Variants in WDR17 observed in about 807,000 individuals in gnomAD.
The protein encoded by WDR17 is WD repeat-containing protein 17.
WDR17 carries 143 observed loss-of-function variants against 161.7 expected under a neutral mutation model. That is an observed-to-expected ratio of 0.88 (90% CI 0.77 to 1.02). The LOEUF is 1.02. Ranked by LOEUF, WDR17 falls within the 50% of genes least tolerant of loss-of-function variation. WDR17 has a pLI of 0.00. For synonymous variants in WDR17, 517 were observed against 515.6 expected, an observed-to-expected ratio of 1.00 and a Z score of -0.04; for missense variants, 1,469 against 1,520.9, an observed-to-expected ratio of 0.97 and a Z score of 0.57.
intron 21 of WDR17, 51 bp downstream of exon 21, chr4:176,162,225 C>A: frequency 6.5e-7 from 1 of 1,531,906 alleles, no homozygotes; most frequent in South Asian, 1.2e-5. Context: ...TTAGATATGT[C>A]ATGGTGTTTG....
chr4:176,090,592 A>G (rs974808789), intron 1 of WDR17, among the ~76,000 whole-genome samples: 2 of 152,244 alleles, frequency 1.3e-5, no homozygotes, highest in South Asian at 2.1e-4. Flanking sequence ...CTTCCTTATT[A>G]TTAAGATATA....
chr4:176,168,833 T>C, intron 23 of WDR17, 50 bp downstream of exon 23: 1 of 1,569,840 alleles, frequency 6.4e-7, no homozygotes, highest in Non-Finnish European at 8.6e-7. Flanking sequence ...TGCTATGATT[T>C]AATTAATTGT....
intron 1 of WDR17, among the ~76,000 whole-genome samples, chr4:176,071,375 T>G (rs1476879801): frequency 6.6e-6 from 1 of 151,194 alleles, no homozygotes; most frequent in Non-Finnish European, 1.5e-5. Context: ...CAGGCTGGAG[T>G]GCAGTGACAC....
At chr4:176,091,513 A>T (rs1285744228) in intron 1 of WDR17, among the ~76,000 whole-genome samples, 1 of 152,196 alleles carries the variant, frequency 6.6e-6, no homozygotes, top group African/African-American at 2.4e-5. Flanking sequence ...AGAAACATTT[A>T]CAGCAATAAA....
intron 1 of WDR17, among the ~76,000 whole-genome samples, chr4:176,073,049 T>A (rs1405166270): frequency 6.6e-6 from 1 of 152,188 alleles, no homozygotes; most frequent in Non-Finnish European, 1.5e-5. Context: ...CCTTCAAATG[T>A]CTGCTCAGTA....
chr4:176,095,705 C>G (rs1203513985), intron 1 of WDR17, among the ~76,000 whole-genome samples: 1 of 151,822 alleles, frequency 6.6e-6, no homozygotes, highest in African/African-American at 2.4e-5. Context: ...CGCTTCCTAC[C>G]ATCCATCCTT....
At chr4:176,166,653 A>C (rs1749816521) in intron 22 of WDR17, among the ~76,000 whole-genome samples, 2 of 152,178 alleles carry the variant, frequency 1.3e-5, no homozygotes, top group African/African-American at 4.8e-5. Flanking sequence ...GTTTGAATAG[A>C]ATTTTAGCAC....
At chr4:176,150,269 A>T in intron 15 of WDR17, 96 bp downstream of exon 15, 1 of 1,531,566 alleles carries the variant, frequency 6.5e-7, no homozygotes. Context: ...TACCATTCTA[A>T]TTCATTGGGT....
intron 2 of WDR17, among the ~76,000 whole-genome samples, chr4:176,114,285 G>T (rs1384760525): frequency 6.6e-6 from 1 of 152,010 alleles, no homozygotes; most frequent in Admixed American, 6.6e-5. Context: ...TGCTATTGCT[G>T]CAGTGCTAAT....
chr4:176,101,161 T>A (rs932562137), intron 1 of WDR17, among the ~76,000 whole-genome samples: 3 of 152,154 alleles, frequency 2.0e-5, no homozygotes, highest in Non-Finnish European at 4.4e-5. Flanking sequence ...AGCGTAACTC[T>A]GGGGTTTTAG....
intron 3 of WDR17, 113 bp from the exon 4 acceptor site, chr4:176,119,754 A>G (rs1579099910): frequency 2.2e-6 from 2 of 921,938 alleles, no homozygotes. Flanking sequence ...ATAAGAAAGT[A>G]ATGTATCTTA....
At chr4:176,120,525 C>T (rs1157884154) in intron 4 of WDR17, among the ~76,000 whole-genome samples, 1 of 151,844 alleles carries the variant, frequency 6.6e-6, no homozygotes, top group African/African-American at 2.4e-5. Flanking sequence ...CATTCTGATG[C>T]CACGGCTCCT....
At chr4:176,103,801 A>C (rs1579055393) in intron 1 of WDR17, among the ~76,000 whole-genome samples, 1 of 152,122 alleles carries the variant, frequency 6.6e-6, no homozygotes, top group Admixed American at 6.6e-5. Flanking sequence ...ATATGCACTC[A>C]TGTGGGAGTA....
At chr4:176,133,111 A>G (rs1743738078) in intron 7 of WDR17, among the ~76,000 whole-genome samples, 1 of 151,176 alleles carries the variant, frequency 6.6e-6, no homozygotes, top group African/African-American at 2.4e-5. Context: ...GAAAAAATAT[A>G]CTAACATGAA....
chr4:176,135,486 A>G (rs1016113734), intron 8 of WDR17, among the ~76,000 whole-genome samples: 7 of 151,588 alleles, frequency 4.6e-5, no homozygotes, highest in Non-Finnish European at 7.4e-5. Flanking sequence ...CCTCTATATA[A>G]CAAGTCATGT....
chr4:176,117,473 C>T lies in WDR17; in HGVS notation c.307+1494C>T, dbSNP rs957503554. Among the ~76,000 whole-genome samples, 7 of 152,090 alleles carry T rather than the reference C, an allele frequency of 4.6e-5. No homozygotes were observed. In the South Asian group the frequency reaches 8.3e-4, roughly 18 times the overall value. On this transcript the variant is annotated intron_variant, in intron 3 of 28. Transcript: ENST00000508596. ...TCGTAAAGATGTAACACAAAGTCAA[C>T]GTTAGGTTATAACTGCATATAATAA...
intron 5 of WDR17, among the ~76,000 whole-genome samples, chr4:176,125,589 C>A (rs1742324394): frequency 6.7e-6 from 1 of 149,954 alleles, no homozygotes; most frequent in Non-Finnish European, 1.5e-5. Context: ...TCTGGAAATA[C>A]CTTGGAATAT....
At position 176,173,310 on chromosome 4, in the gene WDR17, T is replaced by A; in HGVS notation, c.3288T>A (p.Pro1096=). ...ACTGGACTTTGGATACCATATACCC[T>A]GTTCTTGACCTACTGAGCTATATTC... ...SSDWTLDTIY[P]VLDLLSYIRT... is the part of the protein sequence containing the mutation. The change falls in exon 25 of 29, where the codon CCT becomes CCA. Residue 1096 remains proline, a synonymous_variant. Transcript: ENST00000508596. 2 of 1,613,420 alleles carry A rather than the reference T, an allele frequency of 1.2e-6. No homozygotes were observed. The highest frequency in any genetic ancestry group is 1.7e-6 in the Non-Finnish European group (2 of 1,179,780).
rs191362718 is a variant in WDR17 at position 176,135,568 on chromosome 4, A to C, written c.1267+292A>C. Among the ~76,000 whole-genome samples the C allele has an allele frequency of 4.0e-3, 607 of 151,714 alleles. 5 individuals carry two copies. Among genetic ancestry groups the C allele is most frequent in the African/African-American group, 0.013 (557 of 41,532 alleles). ...GTTGTATTTCTATAGCTATGCCTTT[A>C]GAAGTATAATACAATTTACATGATA... On this transcript the variant is annotated intron_variant, in intron 8 of 28. Transcript: ENST00000508596.
Sources: allele counts gnomAD v4.1 joint callset (sites outside exome capture counted in the v4.1 genomes callset), GRCh38; gene constraint gnomAD v4.1.1; transcripts MANE v1.5; gene names NCBI Gene and HGNC (gene_info 2026-07-23, HGNC 2026-07-21).